The following MAPK14 variants were observed in gnomAD, a reference collection of about 807,000 sequenced individuals.
MAPK14 encodes mitogen-activated protein kinase 14.
A neutral mutation model predicts 49.6 loss-of-function variants in MAPK14; 16 were observed. That is an observed-to-expected ratio of 0.32 (90% CI 0.22 to 0.49). MAPK14 has a LOEUF of 0.49. Among genes scored for constraint, MAPK14 ranks in the 20% least tolerant of loss-of-function variants. The probability of loss-of-function intolerance (pLI) is 0.99; values close to 1 mark genes in which losing one functional copy is unlikely to be tolerated. For synonymous variants in MAPK14, 142 were observed against 158.0 expected (o/e 0.90, Z 0.76); for missense variants, 200 against 441.2 (o/e 0.45, Z 4.90).
chr6:36,120,658 G>C, the MAPK14 span, among the ~76,000 whole-genome samples: 1 of 152,178 alleles, frequency 6.6e-6, no homozygotes, highest in Admixed American at 6.5e-5. Context: ...GGATTAACAA[G>C]GTGCACATTT....
intron 1 of MAPK14, among the ~76,000 whole-genome samples, chr6:36,042,844 A>C (rs945156420): frequency 1.3e-5 from 2 of 152,074 alleles, no homozygotes; most frequent in African/African-American, 2.4e-5. Context: ...TGGAACTTGC[A>C]GGCTCGTGCC....
the MAPK14 span, among the ~76,000 whole-genome samples, chr6:36,117,631 G>A: frequency 6.6e-6 from 1 of 152,180 alleles, no homozygotes; most frequent in African/African-American, 2.4e-5. Flanking sequence ...AAGGATACAG[G>A]CTCTGGAACC....
At chr6:36,085,982 T>G (rs1764968802) in intron 8 of MAPK14, among the ~76,000 whole-genome samples, 1 of 152,064 alleles carries the variant, frequency 6.6e-6, no homozygotes, top group Non-Finnish European at 1.5e-5. Flanking sequence ...CACAATCAAA[T>G]TAGAACTAAG....
At chr6:36,057,141 A>G (rs1763620055) in intron 2 of MAPK14, among the ~76,000 whole-genome samples, 1 of 152,230 alleles carries the variant, frequency 6.6e-6, no homozygotes, top group Non-Finnish European at 1.5e-5. Context: ...ATTTCCTGGA[A>G]GAAAATATGA....
intron 1 of MAPK14, among the ~76,000 whole-genome samples, chr6:36,045,996 C>T (rs1043148984): frequency 6.6e-6 from 1 of 151,792 alleles, no homozygotes; most frequent in Non-Finnish European, 1.5e-5. Flanking sequence ...AGAAGTTAAA[C>T]AGAATTATAT....
chr6:36,111,706 AGCAGGT>A (rs1415520956), downstream of MAPK14, among the ~76,000 whole-genome samples: 2 of 152,152 alleles, frequency 1.3e-5, no homozygotes, highest in Non-Finnish European at 2.9e-5. Context: ...AATGACACCC[AGCAGGT>A]GTCCCAGGGT....
intron 1 of MAPK14, among the ~76,000 whole-genome samples, chr6:36,035,686 CAAAT>C (rs769257633): frequency 7.2e-5 from 11 of 152,162 alleles, no homozygotes; most frequent in East Asian, 1.9e-4. Context: ...TTCCAGTAAA[CAAAT>C]GAATGATTAG....
intron 1 of MAPK14, among the ~76,000 whole-genome samples, chr6:36,033,539 A>G (rs966184888): frequency 2.2e-4 from 34 of 151,816 alleles, no homozygotes; most frequent in African/African-American, 8.0e-4. Context: ...CCAGTCTCGA[A>G]CTCCTGACCT....
In MAPK14 at chr6:36,039,312, A is replaced by G. The variant is rs61464582; in HGVS notation, c.116+11039A>G. Among the ~76,000 whole-genome samples the G allele has an allele frequency of 3.9e-3, 598 of 152,288 alleles. 4 individuals carry two copies. The highest frequency in any genetic ancestry group is 0.014 in the African/African-American group (563 of 41,554). On this transcript the variant is annotated intron_variant, in intron 1 of 11. Coordinates refer to ENST00000229794, the MANE Select transcript of MAPK14 (RefSeq NM_139012.3). ...ACATAACAAAAAGGTAATAGAACAA[A>G]TGTTTATTTTGTCTAGACCTGCTGT...
chr6:36,102,544 T>C (rs375959609), intron 9 of MAPK14, 27 bp from the exon 10 acceptor site: 2 of 1,568,352 alleles, frequency 1.3e-6, no homozygotes, highest in African/African-American at 2.7e-5. Context: ...TTGAACAAAG[T>C]CATTCTGAAA....
intron 8 of MAPK14, among the ~76,000 whole-genome samples, chr6:36,080,700 G>A (rs1434285109): frequency 6.6e-6 from 1 of 152,004 alleles, no homozygotes; most frequent in Non-Finnish European, 1.5e-5. Flanking sequence ...GATTCTTTTG[G>A]TTATGTACCT....
At chr6:36,070,470 A>G (rs1340288802) in intron 3 of MAPK14, among the ~76,000 whole-genome samples, 1 of 152,244 alleles carries the variant, frequency 6.6e-6, no homozygotes, top group African/African-American at 2.4e-5. Flanking sequence ...CATAATGAGT[A>G]CATGGACATA....
At chr6:36,075,784 T>G in intron 6 of MAPK14, 64 bp from the exon 7 acceptor site, 1 of 1,606,018 alleles carries the variant, frequency 6.2e-7, no homozygotes, top group Non-Finnish European at 8.5e-7. Context: ...GTTGTTGTTT[T>G]GTTTTTTTTT....
Position 36,028,769 on chromosome 6 carries a change from A to G in MAPK14, c.116+496A>G, listed in dbSNP as rs554601929. The stretch of plus-strand genomic sequence containing the variant: ...TGCGGTCATCTGAACAAAACTGACC[A>G]GGAAGGGAGCTCTCTCCGGGCCTTT... On this transcript the variant is annotated intron_variant, in intron 1 of 11. Coordinates refer to ENST00000229794, the MANE Select transcript of MAPK14 (RefSeq NM_139012.3). This position sits in a 1 kb window ranked among gnomAD's most constrained non-coding sequence, Gnocchi z 5.1. Among the ~76,000 whole-genome samples the G allele has an allele frequency of 6.8e-6, 1 of 146,466 alleles. No individual in the cohort carries two copies. The highest frequency in any genetic ancestry group is 2.1e-4 in the East Asian group (1 of 4,814).
At position 36,090,628 on chromosome 6, in the gene MAPK14, C is replaced by T. The variant is rs112246165; in HGVS notation, c.683-5359C>T. 3.6e-3 allele frequency among the ~76,000 whole-genome samples: 550 copies of T among 151,736 alleles called. 4 individuals carry two copies. The highest frequency in any genetic ancestry group is 0.012 in the African/African-American group (516 of 41,284). On this transcript the variant is annotated intron_variant, in intron 8 of 11. Transcript: ENST00000229794. ...GCAACCTCCACCTCCCGTGTTCAAG[C>T]GATTCTCCCTGCCTCAGCCTCCCGA...
chr6:36,090,527 C>CTCT (rs1765180789), intron 8 of MAPK14, among the ~76,000 whole-genome samples: 1 of 136,322 alleles, frequency 7.3e-6, no homozygotes, highest in Non-Finnish European at 1.6e-5. Context: ...CCCTCTCTCT[C>CTCT]TTTTTTTTTT....
At chr6:36,120,549 ACTTTT>A in the MAPK14 span, among the ~76,000 whole-genome samples, 1 of 151,928 alleles carries the variant, frequency 6.6e-6, no homozygotes, top group Non-Finnish European at 1.5e-5. Flanking sequence ...GATGCTGGAA[ACTTTT>A]CTTTATTGAT....
chr6:36,042,442 A>G (rs975323731), intron 1 of MAPK14, among the ~76,000 whole-genome samples: 2 of 151,162 alleles, frequency 1.3e-5, no homozygotes, highest in African/African-American at 4.9e-5. Context: ...GAGGTCATAA[A>G]CAATCAGCTT....
chr6:36,034,404 A>G (rs1246652099), intron 1 of MAPK14, among the ~76,000 whole-genome samples: 1 of 152,240 alleles, frequency 6.6e-6, no homozygotes, highest in Non-Finnish European at 1.5e-5. Flanking sequence ...ACATAAGTAT[A>G]GGATATAAAT....
Sources: allele counts gnomAD v4.1 joint callset (sites outside exome capture counted in the v4.1 genomes callset), GRCh38; gene constraint gnomAD v4.1.1; non-coding constraint Gnocchi (gnomAD v3.1); transcripts MANE v1.5; gene names NCBI Gene and HGNC (gene_info 2026-07-23, HGNC 2026-07-21).